The following CACNG3 variants were observed in gnomAD, a reference collection of about 807,000 sequenced individuals.
CACNG3 encodes voltage-dependent calcium channel gamma-3 subunit.
Under a neutral mutation model 28.5 loss-of-function variants are expected in CACNG3, and 3 were observed. That is an observed-to-expected ratio of 0.11 (90% CI 0.05 to 0.27). CACNG3 has a LOEUF of 0.27. Ranked by LOEUF, CACNG3 falls within the 10% of genes least tolerant of loss-of-function variation. The probability of loss-of-function intolerance (pLI) is 1.00; values close to 1 mark genes in which losing one functional copy is unlikely to be tolerated. For synonymous variants in CACNG3, 174 were observed against 162.2 expected (o/e 1.07, Z -0.55); for missense variants, 236 against 414.4 (o/e 0.57, Z 3.74).
chr16:24,309,596 G>C (rs1476356341), intron 1 of CACNG3, among the ~76,000 whole-genome samples: 2 of 152,196 alleles, frequency 1.3e-5, no homozygotes, highest in Non-Finnish European at 2.9e-5. Flanking sequence ...ATGCAGGGGT[G>C]CCTGGTGCCT....
At chr16:24,351,918 C>T (rs1011372764) in intron 2 of CACNG3, among the ~76,000 whole-genome samples, 1 of 149,508 alleles carries the variant, frequency 6.7e-6, no homozygotes, top group Non-Finnish European at 1.5e-5. Context: ...CGGGTTCACG[C>T]CATTCTCCTG....
rs149012610 is a variant in CACNG3, at chr16:24,311,904, A to G, written c.212-34830A>G. ...GGTGGTAAGTAAAGGCACAAAGGAA[A>G]GAGACGGTGCTTCTCCAAGCCAGGA... On this transcript the variant is annotated intron_variant, in intron 1 of 3. Transcript: ENST00000005284. Among the ~76,000 whole-genome samples, 45 of 152,376 alleles carry G rather than the reference A, an allele frequency of 3.0e-4. No individual in the cohort carries two copies. The East Asian group carries it at 8.3e-3, about 28-fold the overall frequency.
intron 1 of CACNG3, among the ~76,000 whole-genome samples, chr16:24,340,209 C>T (rs1346640715): frequency 2.0e-5 from 3 of 151,806 alleles, no homozygotes; most frequent in Non-Finnish European, 2.9e-5. Flanking sequence ...AGTTCAAGAT[C>T]GTGAACATGA....
intron 3 of CACNG3, among the ~76,000 whole-genome samples, chr16:24,358,317 T>C (rs1224392989): frequency 1.3e-5 from 2 of 152,252 alleles, no homozygotes; most frequent in African/African-American, 2.4e-5. Flanking sequence ...TGTGTGACTT[T>C]GGGCAAGTCA....
At chr16:24,337,694 T>G (rs1899730497) in intron 1 of CACNG3, among the ~76,000 whole-genome samples, 1 of 151,520 alleles carries the variant, frequency 6.6e-6, no homozygotes, top group African/African-American at 2.4e-5. Context: ...TAAAAAATAG[T>G]TAAAAATACA....
At chr16:24,310,280 T>G (rs1468488982) in intron 1 of CACNG3, among the ~76,000 whole-genome samples, 1 of 152,148 alleles carries the variant, frequency 6.6e-6, no homozygotes, top group Non-Finnish European at 1.5e-5. Context: ...TAAACAGTGT[T>G]AAGCTGGGCA....
chr16:24,291,733 G>A (rs1898970832), intron 1 of CACNG3, among the ~76,000 whole-genome samples: 2 of 152,104 alleles, frequency 1.3e-5, no homozygotes, highest in Non-Finnish European at 1.5e-5. Context: ...TCCTGCCTCA[G>A]TTTCCTCATC....
At chr16:24,299,182 G>T (rs369229714) in intron 1 of CACNG3, among the ~76,000 whole-genome samples, 1 of 152,180 alleles carries the variant, frequency 6.6e-6, no homozygotes, top group South Asian at 2.1e-4. Flanking sequence ...CTTCTGTACT[G>T]GAAATGTGCC....
chr16:24,322,120 G>A (rs545887645), intron 1 of CACNG3, among the ~76,000 whole-genome samples: 11 of 152,212 alleles, frequency 7.2e-5, no homozygotes, highest in Admixed American at 2.0e-4. Context: ...CCAGACAGGC[G>A]GGAGGAGGAG....
At chr16:24,278,017 C>G (rs1257046534) in intron 1 of CACNG3, among the ~76,000 whole-genome samples, 1 of 152,162 alleles carries the variant, frequency 6.6e-6, no homozygotes, top group East Asian at 1.9e-4. Context: ...ACCTAGCTAA[C>G]TGATGACTTT....
intron 1 of CACNG3, among the ~76,000 whole-genome samples, chr16:24,276,544 T>C (rs185923855): frequency 9.2e-5 from 14 of 152,368 alleles, no homozygotes; most frequent in African/African-American, 2.6e-4. Context: ...GATTTCCTTC[T>C]AGTTCTGTCT....
chr16:24,297,317 TC>T (rs1899045497), intron 1 of CACNG3, among the ~76,000 whole-genome samples: 1 of 151,906 alleles, frequency 6.6e-6, no homozygotes, highest in South Asian at 2.1e-4. Context: ...CTGATGTCTG[TC>T]CCCCTCCTCC....
At chr16:24,351,724 G>GAA (rs1555462403) in intron 2 of CACNG3, among the ~76,000 whole-genome samples, 15 of 109,434 alleles carry the variant, frequency 1.4e-4, no homozygotes, top group African/African-American at 4.9e-4. Context: ...AAGGAGGGAG[G>GAA]GAGAGAGAGA....
rs16973546 is a variant in CACNG3, at chr16:24,344,447, C to A, written c.212-2287C>A. Among the ~76,000 whole-genome samples, 1,272 of 151,756 alleles carry A rather than the reference C, an allele frequency of 8.4e-3. 13 individuals are homozygous for A. The highest frequency in any genetic ancestry group is 0.028 in the African/African-American group (1,174 of 41,308). On this transcript the variant is annotated intron_variant, in intron 1 of 3. Coordinates refer to ENST00000005284, the MANE Select transcript of CACNG3 (RefSeq NM_006539.4). Reference sequence around the variant, plus strand: ...AAATGCATAAATGCTTAGAATGGTACCTGGTATATAGTAGGTGCACACGTG... The same window carrying A: ...AAATGCATAAATGCTTAGAATGGTAACTGGTATATAGTAGGTGCACACGTG...
At chr16:24,286,000 C>T (rs1482737255) in intron 1 of CACNG3, among the ~76,000 whole-genome samples, 1 of 152,094 alleles carries the variant, frequency 6.6e-6, no homozygotes, top group Non-Finnish European at 1.5e-5. Context: ...CATGCCACCA[C>T]ACCAGCTATT....
chr16:24,350,040 G>A (rs1208677598), intron 2 of CACNG3, among the ~76,000 whole-genome samples: 4 of 152,148 alleles, frequency 2.6e-5, no homozygotes, highest in African/African-American at 4.8e-5. Context: ...ATAGTTTGGG[G>A]GGAGAAACAG....
At chr16:24,351,507 G>A (rs1899937864) in intron 2 of CACNG3, among the ~76,000 whole-genome samples, 1 of 151,290 alleles carries the variant, frequency 6.6e-6, no homozygotes, top group South Asian at 2.1e-4. Flanking sequence ...GGGTGGTGGA[G>A]GTTGCAGTGA....
intron 1 of CACNG3, among the ~76,000 whole-genome samples, chr16:24,274,843 A>AT (rs1255673272): frequency 2.6e-5 from 4 of 152,204 alleles, no homozygotes; most frequent in Non-Finnish European, 5.9e-5. Context: ...CGTTTTATCA[A>AT]TGAGTAAATG....
intron 3 of CACNG3, among the ~76,000 whole-genome samples, chr16:24,358,906 G>C (rs1286206946): frequency 6.6e-6 from 1 of 152,178 alleles, no homozygotes; most frequent in Non-Finnish European, 1.5e-5. Flanking sequence ...AAGTGGGCCT[G>C]CTGCAATGAT....
Sources: gnomAD v4.1 joint callset for allele counts (sites outside exome capture counted in the v4.1 genomes callset) on GRCh38, gnomAD v4.1.1 for gene constraint, MANE v1.5 for transcripts, NCBI Gene and HGNC (gene_info 2026-07-23, HGNC 2026-07-21) for gene names.